AKNA: variants seen among roughly 807,000 people sequenced by gnomAD.
The protein encoded by AKNA is microtubule organization protein AKNA.
A neutral mutation model predicts 138.8 loss-of-function variants in AKNA; 67 were observed. The observed-to-expected ratio is 0.48, with a 90% CI of 0.40 to 0.59. AKNA has a LOEUF of 0.59. Among genes scored for constraint, AKNA ranks in the 20% least tolerant of loss-of-function variants. The pLI is 0.00. For missense variants in AKNA, 1,813 were observed against 1,880.4 expected, an observed-to-expected ratio of 0.96 and a Z score of 0.66; for synonymous variants, 737 against 754.4, an observed-to-expected ratio of 0.98 and a Z score of 0.38.
rs534516846 is a variant in AKNA, at chr9:114,361,845, C to G, written c.1983G>C (p.Gln661His). ...CGGGCGGCTCAGGCTCTTGCTGGGT[C>G]TGGTCTATGTGTTCCTTCAGCTCTT... The part of the protein sequence containing the change: ...CLEELKEHID[Q>H]TQQEPEPPGS... Residue 661 changes from glutamine to histidine, a missense_variant, in exon 9 of 22, where the codon CAG becomes CAC. Coordinates refer to ENST00000374088, the MANE Select transcript of AKNA (RefSeq NM_001317950.2). 3.7e-6 allele frequency: 6 copies of G among 1,611,906 alleles called. No homozygotes were observed. The African/African-American group carries it at 8.0e-5, about 22-fold the overall frequency.
chr9:114,331,929 G>T, downstream of AKNA: 1 of 1,613,422 alleles, frequency 6.2e-7, no homozygotes, highest in Non-Finnish European at 8.5e-7. Context: ...ACTGGAAAAA[G>T]GTAAACGCAA....
chr9:114,339,061 T>C (rs1276313266), intron 21 of AKNA, among the ~76,000 whole-genome samples: 1 of 152,214 alleles, frequency 6.6e-6, no homozygotes, highest in African/African-American at 2.4e-5. Flanking sequence ...ACGATGGGGT[T>C]ATGCCCCTAT....
chr9:114,331,469 G>C, downstream of AKNA: 1 of 968,406 alleles, frequency 1.0e-6, no homozygotes, highest in Non-Finnish European at 1.6e-6. Context: ...TCACTGATGG[G>C]CTTTGTGGCC....
At chr9:114,332,489 C>T (rs1337921020), downstream of AKNA, among the ~76,000 whole-genome samples, 1 of 152,136 alleles carries the variant, frequency 6.6e-6, no homozygotes, top group African/African-American at 2.4e-5. Flanking sequence ...AATCACAGCA[C>T]CGATGAGCTG....
At chr9:114,397,734 T>G (rs1834575473), upstream of AKNA, among the ~76,000 whole-genome samples, 1 of 152,086 alleles carries the variant, frequency 6.6e-6, no homozygotes, top group Admixed American at 6.5e-5. Flanking sequence ...TCGCGCCCCC[T>G]CTCTGGACCT....
chr9:114,368,096 G>A (rs1008029548), intron 5 of AKNA: 10 of 290,952 alleles, frequency 3.4e-5, no homozygotes, highest in Non-Finnish European at 6.4e-5. Flanking sequence ...ACACCTCAGC[G>A]GGTTATTGTG....
downstream of AKNA, chr9:114,331,854 A>C (rs1422007790): frequency 6.2e-7 from 1 of 1,613,828 alleles, no homozygotes; most frequent in East Asian, 2.2e-5. Flanking sequence ...CCAAGGAGCA[A>C]CTGGGAGAGT....
intron 13 of AKNA, among the ~76,000 whole-genome samples, chr9:114,356,633 C>T (rs978109165): frequency 1.3e-5 from 2 of 152,226 alleles, no homozygotes; most frequent in African/African-American, 4.8e-5. Context: ...AAATGAATTT[C>T]CCAGTCTGTC....
chr9:114,381,247 G>C lies in AKNA; in HGVS notation c.87C>G (p.Asp29Glu). Residue 29 changes from aspartate (D) to glutamate (E), a missense_variant, in exon 2 of 22, where the codon GAC (aspartate) becomes GAG (glutamate). Physicochemically the swap from Asp to Glu is conservative, Grantham distance 45. Coordinates refer to ENST00000374088, the MANE Select transcript of AKNA (RefSeq NM_001317950.2). The stretch of plus-strand genomic sequence containing the variant: ...AACTACTTCTATCCACATCCCTCTT[G>C]TCCTCGGCCCAGGCCCAGCGCCGCC... ...PQRRRWAWAE[D>E]KRDVDRSSSQ... 9 of 1,614,094 alleles carry C rather than the reference G, an allele frequency of 5.6e-6. No individual in the cohort carries two copies. The highest frequency in any genetic ancestry group is 7.6e-6 in the Non-Finnish European group (9 of 1,179,976).
In AKNA at chr9:114,355,996, G is replaced by T; in HGVS notation, c.2987C>A (p.Ser996Tyr). ...CTGCCGGAGAGGCCCACTTGGGCTG[G>T]AGAGGTACCTCTGTGCTTGGCTCCG... ...TPRSQAQRYL[S>Y]SPSGPLRQRA... Residue 996 changes from serine to tyrosine, a missense_variant, in exon 14 of 22, where the codon TCC becomes TAC. Physicochemically the swap from Ser to Tyr is moderately radical, Grantham distance 144. Transcript: ENST00000374088. The T allele has an allele frequency of 1.2e-6, 2 of 1,614,194 alleles. No individual in the cohort carries two copies. Among genetic ancestry groups the T allele is most frequent in the South Asian group, 1.1e-5 (1 of 91,078 alleles).
At chr9:114,340,856 G>A (rs977682188) in intron 21 of AKNA, among the ~76,000 whole-genome samples, 4 of 152,144 alleles carry the variant, frequency 2.6e-5, no homozygotes, top group Non-Finnish European at 5.9e-5. Flanking sequence ...AAACAAGGAA[G>A]GTCTGAGGAT....
intron 4 of AKNA, among the ~76,000 whole-genome samples, chr9:114,370,791 G>C (rs1832716366): frequency 6.6e-6 from 1 of 152,194 alleles, no homozygotes; most frequent in African/African-American, 2.4e-5. Context: ...TGAATGGGGA[G>C]GGAGGGGAGG....
At chr9:114,383,761 C>A (rs1030163305) in intron 1 of AKNA, among the ~76,000 whole-genome samples, 2 of 152,206 alleles carry the variant, frequency 1.3e-5, no homozygotes, top group African/African-American at 4.8e-5. Flanking sequence ...TATTTTTGGA[C>A]ACAAAGTTCC....
chr9:114,377,675 C>T, intron 2 of AKNA, 143 bp from the exon 3 acceptor site: 2 of 864,588 alleles, frequency 2.3e-6, no homozygotes, highest in Non-Finnish European at 3.5e-6. Context: ...GTAGACTTAG[C>T]CAAGTGCTTG....
chr9:114,387,829 T>A (rs1564102405), intron 1 of AKNA, 31 bp downstream of exon 1: 3 of 434,110 alleles, frequency 6.9e-6, no homozygotes, highest in Non-Finnish European at 9.4e-6. Flanking sequence ...GAAAGCGGCC[T>A]CCCGGGCCCT....
intron 14 of AKNA, among the ~76,000 whole-genome samples, chr9:114,352,667 A>C (rs1162176440): frequency 6.6e-6 from 1 of 151,994 alleles, no homozygotes; most frequent in East Asian, 1.9e-4. Flanking sequence ...TCATGCCGGT[A>C]ATCCCAGCAC....
rs1160918769 is a variant in AKNA at position 114,387,803 on chromosome 9, C to T, written c.-114+57G>A. ...CTGGACTGTCCCGGAGAGTCTGTGACTGGCCCGTCCAGAAGGAAAGCGGCC... is the reference window on the plus strand; with the variant it reads ...CTGGACTGTCCCGGAGAGTCTGTGATTGGCCCGTCCAGAAGGAAAGCGGCC... On this transcript the variant is annotated intron_variant, in intron 1 of 21. Transcript: ENST00000374088. The T allele has an allele frequency of 1.0e-5, 4 of 399,186 alleles. 1 individual carries two copies. Among genetic ancestry groups the T allele is most frequent in the South Asian group, 7.0e-5 (4 of 57,124 alleles). 24.7% of individuals were successfully genotyped at this position (399,186 alleles called of 1,614,324 possible). A position where few individuals can be genotyped will look rare whatever the true frequency, so the allele number is the denominator to read the frequency against.
At chr9:114,384,282 G>A (rs538996584) in intron 1 of AKNA, among the ~76,000 whole-genome samples, 1 of 152,244 alleles carries the variant, frequency 6.6e-6, no homozygotes, top group Non-Finnish European at 1.5e-5. Context: ...AGATGCAATC[G>A]AAAATGGGCC....
At chr9:114,367,833 C>A in intron 5 of AKNA, 136 bp from the exon 6 acceptor site, 1 of 1,000,176 alleles carries the variant, frequency 1.0e-6, no homozygotes, top group Non-Finnish European at 1.4e-6. Context: ...TCACATCAGC[C>A]CCAGGAAGTG....
Sources: allele counts gnomAD v4.1 joint callset (sites outside exome capture counted in the v4.1 genomes callset), GRCh38; gene constraint gnomAD v4.1.1; transcripts MANE v1.5; gene names NCBI Gene and HGNC (gene_info 2026-07-23, HGNC 2026-07-21).